C9orf153: variants seen among roughly 807,000 people sequenced by gnomAD.
The protein encoded by C9orf153 is uncharacterized protein C9orf153.
In C9orf153, 10 loss-of-function variants were observed where a neutral mutation model predicts 9.0. The observed-to-expected ratio is 1.11, with a 90% confidence interval of 0.69 to 1.89. The LOEUF (loss-of-function observed/expected upper bound fraction) is 1.89. C9orf153 is among the 40% of genes most tolerant of loss of function. C9orf153 has a pLI of 0.00. For synonymous variants in C9orf153, 35 were observed against 37.3 expected, an observed-to-expected ratio of 0.94 and a Z score of 0.23; for missense variants, 108 against 111.0, an observed-to-expected ratio of 0.97 and a Z score of 0.12.
intron 1 of C9orf153, chr9:86,258,434 T>C (rs1410710138): frequency 2.0e-5 from 3 of 152,004 alleles, no homozygotes. Flanking sequence ...AGAGAGCTTG[T>C]TTGGAGGTTC....
chr9:86,238,873 G>C (rs891939409), intron 1 of C9orf153, among the ~76,000 whole-genome samples: 3 of 151,630 alleles, frequency 2.0e-5, no homozygotes, highest in Non-Finnish European at 2.9e-5. Flanking sequence ...GTACAGAAAT[G>C]TTTAATGACA....
chr9:86,228,558 G>T (rs1389462037), intron 2 of C9orf153, among the ~76,000 whole-genome samples: 1 of 152,184 alleles, frequency 6.6e-6, no homozygotes, highest in Non-Finnish European at 1.5e-5. Flanking sequence ...CAGAGCAAAT[G>T]GTGACATACA....
chr9:86,241,772 C>T (rs950633861), intron 1 of C9orf153, among the ~76,000 whole-genome samples: 3 of 152,044 alleles, frequency 2.0e-5, no homozygotes, highest in Admixed American at 6.5e-5. Context: ...ATTACAGGTG[C>T]CCACGACCAG....
Position 86,229,572 on chromosome 9 carries a change from T to A in C9orf153, c.32A>T (p.Glu11Val), listed in dbSNP as rs752923312. MFLTGDTSPA[E>V]DNREATLPQC... ...AGGAAGGGTGGCTTCTCTATTGTCC[T>A]CAGCTGGACTGGTGTCTCCAGTGAG... Residue 11 changes from glutamate (E) to valine (V), a missense_variant, in exon 2 of 4, where the codon GAG (glutamate) becomes GTG (valine). Coordinates refer to ENST00000339137, the MANE Select transcript of C9orf153 (RefSeq NM_001276366.4). 1 of 1,613,274 alleles carries A rather than the reference T, an allele frequency of 6.2e-7. No individual in the cohort carries two copies. Among genetic ancestry groups the A allele is most frequent in the Non-Finnish European group, 8.5e-7 (1 of 1,179,276 alleles).
intron 3 of C9orf153, among the ~76,000 whole-genome samples, chr9:86,225,438 CTT>C (rs1554683864): frequency 1.2e-4 from 10 of 86,086 alleles, no homozygotes; most frequent in South Asian, 6.9e-4. Context: ...TCCTTCCTTC[CTT>C]CCTTCCTCTC....
intron 1 of C9orf153, among the ~76,000 whole-genome samples, chr9:86,232,612 C>T (rs1380097158): frequency 6.6e-6 from 1 of 152,114 alleles, no homozygotes; most frequent in East Asian, 1.9e-4. Context: ...TTTGCACTCA[C>T]CCCCAACTTT....
At chr9:86,221,882 T>TTTTA (rs1448033026) in intron 3 of C9orf153, 149 bp from the exon 4 acceptor site, 7 of 507,442 alleles carry the variant, frequency 1.4e-5, no homozygotes, top group African/African-American at 8.0e-5. Flanking sequence ...TATTTTTAAT[T>TTTTA]TTTATTTATT....
At chr9:86,250,790 T>A (rs1313408473) in intron 1 of C9orf153, among the ~76,000 whole-genome samples, 1 of 152,342 alleles carries the variant, frequency 6.6e-6, no homozygotes, top group East Asian at 1.9e-4. Context: ...AATCAGAAGT[T>A]TCAGTGGTAA....
chr9:86,245,176 C>G (rs566644907), intron 1 of C9orf153, among the ~76,000 whole-genome samples: 6 of 152,242 alleles, frequency 3.9e-5, no homozygotes, highest in Admixed American at 2.0e-4. Flanking sequence ...ATCCACCCAC[C>G]TCGGCCTCCC....
intron 1 of C9orf153, among the ~76,000 whole-genome samples, chr9:86,234,877 A>C (rs1587801045): frequency 6.6e-6 from 1 of 152,206 alleles, no homozygotes; most frequent in East Asian, 1.9e-4. Flanking sequence ...CCCAGCTGAA[A>C]TATGGGCAAC....
chr9:86,235,729 AAGACTCCATCTC>A (rs1824569405), intron 1 of C9orf153, among the ~76,000 whole-genome samples: 1 of 132,094 alleles, frequency 7.6e-6, no homozygotes, highest in African/African-American at 2.9e-5. Flanking sequence ...GTGACAGAGC[AAGACTCCATCTC>A]AAAAAAAAAA....
intron 3 of C9orf153, 87 bp from the exon 4 acceptor site, chr9:86,221,820 CT>C: frequency 1.3e-6 from 1 of 786,568 alleles, no homozygotes; most frequent in Non-Finnish European, 2.0e-6. Context: ...CAGGGTAAAC[CT>C]TTGATGAACT....
chr9:86,225,059 A>G (rs1487885242), intron 3 of C9orf153, among the ~76,000 whole-genome samples: 3 of 151,996 alleles, frequency 2.0e-5, no homozygotes, highest in Admixed American at 6.6e-5. Context: ...CCTAAGCTAT[A>G]TGATTCTATG....
chr9:86,249,078 A>G (rs961606092), intron 1 of C9orf153, among the ~76,000 whole-genome samples: 7 of 152,216 alleles, frequency 4.6e-5, no homozygotes, highest in Non-Finnish European at 1.0e-4. Flanking sequence ...TAAGTATAAA[A>G]TTATTTACAG....
intron 1 of C9orf153, among the ~76,000 whole-genome samples, chr9:86,246,941 G>A (rs1345056562): frequency 6.6e-6 from 1 of 152,242 alleles, no homozygotes; most frequent in Admixed American, 6.5e-5. Flanking sequence ...TGTTTCCCAA[G>A]CTAGAGGCAG....
At chr9:86,229,487 T>A in intron 2 of C9orf153, 51 bp downstream of exon 2, 1 of 1,272,340 alleles carries the variant, frequency 7.9e-7, no homozygotes, top group Non-Finnish European at 1.1e-6. Flanking sequence ...TTATGATTCT[T>A]GAATGTAAAG....
At chr9:86,255,334 G>C (rs1365805583) in intron 1 of C9orf153, among the ~76,000 whole-genome samples, 2 of 152,132 alleles carry the variant, frequency 1.3e-5, no homozygotes, top group Non-Finnish European at 2.9e-5. Context: ...TGTCTGTTCA[G>C]AGAGCCAGCA....
intron 1 of C9orf153, among the ~76,000 whole-genome samples, chr9:86,240,657 C>T (rs148299711): frequency 6.7e-6 from 1 of 150,338 alleles, no homozygotes; most frequent in Non-Finnish European, 1.5e-5. Context: ...GGATTACATG[C>T]GTGAGCCACC....
At chr9:86,257,940 G>T (rs186440979) in intron 1 of C9orf153, among the ~76,000 whole-genome samples, 5 of 152,296 alleles carry the variant, frequency 3.3e-5, no homozygotes, top group Non-Finnish European at 7.3e-5. Context: ...ACGTGGAGGG[G>T]GAGAGAGCTC....
Sources: gnomAD v4.1 joint callset for allele counts (sites outside exome capture counted in the v4.1 genomes callset) on GRCh38, gnomAD v4.1.1 for gene constraint, MANE v1.5 for transcripts, NCBI Gene and HGNC (gene_info 2026-07-23, HGNC 2026-07-21) for gene names.